Variants in TRHDE observed in about 807,000 individuals in gnomAD.
The protein encoded by TRHDE is thyrotropin-releasing hormone-degrading ectoenzyme.
TRHDE carries 72 observed loss-of-function variants against 125.7 expected under a neutral mutation model. The observed-to-expected ratio is 0.57, with a 90% confidence interval of 0.47 to 0.70. TRHDE has a LOEUF of 0.70. Among genes scored for constraint, TRHDE ranks in the 30% least tolerant of loss-of-function variants. The pLI is 0.00. For missense variants in TRHDE, 1,110 were observed against 1,327.1 expected, an observed-to-expected ratio of 0.84 and a Z score of 2.54; for synonymous variants, 509 against 509.1, an observed-to-expected ratio of 1.00 and a Z score of 0.00.
At chr12:72,496,829 A>G (rs1258616589) in intron 5 of TRHDE, among the ~76,000 whole-genome samples, 4 of 152,184 alleles carry the variant, frequency 2.6e-5, no homozygotes, top group Non-Finnish European at 5.9e-5. Flanking sequence ...GATTTTGATG[A>G]TGATGAGAGC....
chr12:72,252,500 G>T (rs1878707327), intron 2 of TRHDE, among the ~76,000 whole-genome samples: 1 of 152,052 alleles, frequency 6.6e-6, no homozygotes, highest in Non-Finnish European at 1.5e-5. Context: ...CCATTGATCT[G>T]AGTCCATGCC....
chr12:72,101,456 T>C lies in TRHDE; in HGVS notation n.175-4192T>C, dbSNP rs564718539. On this transcript the variant is annotated intron_variant and non_coding_transcript_variant, in intron 1 of 4. Coordinates refer to the TRHDE transcript ENST00000548156. ...AGTTTTCTGTTTGGTGATTACAGTA[T>C]CAACTCTAAGAACAAGAAGCTTTCT... Among the ~76,000 whole-genome samples the C allele has an allele frequency of 1.1e-4, 17 of 152,294 alleles. No homozygotes were observed. The East Asian group carries it at 3.1e-3, about 28-fold the overall frequency.
At position 72,205,150 on chromosome 12, in the gene TRHDE, C is replaced by G. The variant is rs137939775; in HGVS notation, n.279+99398C>G. Among the ~76,000 whole-genome samples the G allele has an allele frequency of 6.4e-4, 97 of 152,290 alleles. 1 individual carries two copies. The highest frequency in any genetic ancestry group is 2.2e-3 in the African/African-American group (90 of 41,556). On this transcript the variant is annotated intron_variant and non_coding_transcript_variant, in intron 2 of 4. Coordinates refer to the TRHDE transcript ENST00000548156. ...TCAGCCACTCAGACTGCTTATTCCT[C>G]AAACAATCCATGAACTTCCACTTTG...
chr12:72,420,260 C>T (rs1191758659), intron 3 of TRHDE, among the ~76,000 whole-genome samples: 1 of 152,094 alleles, frequency 6.6e-6, no homozygotes, highest in Non-Finnish European at 1.5e-5. Flanking sequence ...GCAGTCCAGC[C>T]CTAATTTTGG....
In TRHDE at chr12:72,473,183, A is replaced by C; in HGVS notation, c.1584+3A>C. 6.2e-7 allele frequency: 1 copy of C among 1,607,276 alleles called. No individual in the cohort carries two copies. The highest frequency in any genetic ancestry group is 1.3e-5 in the African/African-American group (1 of 74,864). On this transcript the variant is annotated splice_donor_region_variant and intron_variant, in intron 5 of 18. Coordinates refer to ENST00000261180, the MANE Select transcript of TRHDE (RefSeq NM_013381.3). ...ACCTCTATCCTGGCTGGAACATGGTAAGTGCACTTGAATTATTTGAAACTT... is the reference window on the plus strand; with the variant it reads ...ACCTCTATCCTGGCTGGAACATGGTCAGTGCACTTGAATTATTTGAAACTT...
intron 2 of TRHDE, among the ~76,000 whole-genome samples, chr12:72,213,451 C>A (rs367936433): frequency 6.6e-6 from 1 of 152,044 alleles, no homozygotes; most frequent in South Asian, 2.1e-4. Flanking sequence ...TAAAGTGTGT[C>A]GCTATAATAC....
At chr12:72,508,912 C>T (rs973172729) in intron 6 of TRHDE, among the ~76,000 whole-genome samples, 11 of 152,060 alleles carry the variant, frequency 7.2e-5, no homozygotes, top group African/African-American at 2.4e-4. Context: ...TCCTTCTGCT[C>T]CAGCCATGTA....
chr12:72,296,532 G>C (rs970877709), intron 2 of TRHDE, among the ~76,000 whole-genome samples: 4 of 152,008 alleles, frequency 2.6e-5, no homozygotes, highest in African/African-American at 7.2e-5. Flanking sequence ...GTTAGTAATA[G>C]CTGAGTCATA....
At chr12:72,314,133 T>C (rs1868678644) in intron 2 of TRHDE, among the ~76,000 whole-genome samples, 1 of 152,184 alleles carries the variant, frequency 6.6e-6, no homozygotes, top group African/African-American at 2.4e-5. Flanking sequence ...TTGCAAGCAA[T>C]GTAAAATCTC....
chr12:72,292,975 G>A (rs1880145492), intron 2 of TRHDE, among the ~76,000 whole-genome samples: 2 of 152,182 alleles, frequency 1.3e-5, no homozygotes, highest in Admixed American at 1.3e-4. Context: ...GCTCCACGAT[G>A]TCTGAGGTCT....
intron 2 of TRHDE, among the ~76,000 whole-genome samples, chr12:72,312,039 T>C (rs182400525): frequency 1.9e-3 from 282 of 152,262 alleles, no homozygotes; most frequent in Non-Finnish European, 2.7e-3. Context: ...GCCACATATG[T>C]TATAGACACT....
At chr12:72,447,545 A>G (rs1875356163) in intron 3 of TRHDE, among the ~76,000 whole-genome samples, 1 of 152,100 alleles carries the variant, frequency 6.6e-6, no homozygotes, top group Non-Finnish European at 1.5e-5. Context: ...ATTCTTAACC[A>G]AAAGCATTAG....
chr12:72,597,760 C>CATATATATAT (rs763669025), intron 12 of TRHDE, among the ~76,000 whole-genome samples: 1 of 24,340 alleles, frequency 4.1e-5, no homozygotes, highest in Non-Finnish European at 7.0e-5. Flanking sequence ...TATATATATG[C>CATATATATAT]ATACACACAC....
chr12:72,245,243 ATGTGTGTGTG>A (rs370752757), intron 2 of TRHDE, among the ~76,000 whole-genome samples: 2 of 147,230 alleles, frequency 1.4e-5, no homozygotes, highest in Non-Finnish European at 3.0e-5. Flanking sequence ...GTTTGTGTGT[ATGTGTGTGTG>A]TGTGTGTGTG....
At chr12:72,661,296 A>G (rs1161712552) in intron 18 of TRHDE, among the ~76,000 whole-genome samples, 1 of 152,144 alleles carries the variant, frequency 6.6e-6, no homozygotes, top group Non-Finnish European at 1.5e-5. Flanking sequence ...AGGCTGGCTT[A>G]CCATCTCATA....
intron 12 of TRHDE, chr12:72,582,101 CAAAAAAA>C (rs35550066): frequency 3.0e-3 from 181 of 59,576 alleles, no homozygotes; most frequent in Non-Finnish European, 4.2e-3. Context: ...GACTCCGTCT[CAAAAAAA>C]AAAAAAAAAA....
intron 12 of TRHDE, chr12:72,582,466 A>T (rs1425876050): frequency 2.0e-6 from 2 of 985,236 alleles, no homozygotes; most frequent in African/African-American, 3.5e-5. Flanking sequence ...TTTTGTTAGA[A>T]GTTTTTTTGT....
intron 2 of TRHDE, among the ~76,000 whole-genome samples, chr12:72,344,408 C>G (rs548954472): frequency 3.9e-5 from 6 of 152,054 alleles, no homozygotes; most frequent in Non-Finnish European, 8.8e-5. Context: ...TTTATTAATC[C>G]TCATTTGCTG....
intron 6 of TRHDE, among the ~76,000 whole-genome samples, chr12:72,512,644 AATC>A (rs1040737552): frequency 1.4e-5 from 2 of 143,506 alleles, no homozygotes; most frequent in Non-Finnish European, 3.0e-5. Context: ...TATCATATAT[AATC>A]ATATATAATA....
Sources: gnomAD v4.1 joint callset for allele counts (sites outside exome capture counted in the v4.1 genomes callset) on GRCh38, gnomAD v4.1.1 for gene constraint, MANE v1.5 for transcripts, NCBI Gene and HGNC (gene_info 2026-07-23, HGNC 2026-07-21) for gene names.